MILR1: variants seen among roughly 807,000 people sequenced by gnomAD.
MILR1 encodes mast cell immunoglobulin like receptor 1, also known as allergin-1.
MILR1 carries 31 observed loss-of-function variants against 18.5 expected under a neutral mutation model. The ratio of observed to expected loss-of-function variants is 1.68; its 90% confidence interval spans 1.26 to 2.26. The LOEUF is 2.26. Ranked by LOEUF, MILR1 falls within the 30% of genes most tolerant of loss-of-function variation. The probability of loss-of-function intolerance (pLI) is 0.00; values close to 1 mark genes in which losing one functional copy is unlikely to be tolerated. For synonymous variants in MILR1, 85 were observed against 56.2 expected (o/e 1.51, Z -2.30); for missense variants, 257 against 157.4 (o/e 1.63, Z -3.38).
At chr17:64,477,604 A>G in the MILR1 span, among the ~76,000 whole-genome samples, 2 of 152,208 alleles carry the variant, frequency 1.3e-5, no homozygotes, top group African/African-American at 4.8e-5. Context: ...ATGTAAGAAA[A>G]ACAAACCCCA....
chr17:64,482,988 A>G, the MILR1 span: 1 of 1,596,582 alleles, frequency 6.3e-7, no homozygotes, highest in South Asian at 1.1e-5. Flanking sequence ...AACAAGGGTG[A>G]AGTTTAAGTA....
chr17:64,466,351 G>A, intron 6 of MILR1, 91 bp from the exon 7 acceptor site: 2 of 1,057,926 alleles, frequency 1.9e-6, no homozygotes, highest in Non-Finnish European at 2.9e-6. Context: ...AGCCTACATG[G>A]CCACATTCCA....
chr17:64,491,969 A>T, the MILR1 span, among the ~76,000 whole-genome samples: 2 of 152,062 alleles, frequency 1.3e-5, no homozygotes, highest in African/African-American at 2.4e-5. Context: ...GACAACAAAA[A>T]TAAAATAAAA....
At chr17:64,455,708 C>T (rs1450571819) in intron 3 of MILR1, among the ~76,000 whole-genome samples, 1 of 151,300 alleles carries the variant, frequency 6.6e-6, no homozygotes, top group Non-Finnish European at 1.5e-5. Context: ...GATCTGCCCA[C>T]CTCGGCCTCC....
At chr17:64,453,562 A>G (rs1295962675) in intron 3 of MILR1, among the ~76,000 whole-genome samples, 24 of 121,974 alleles carry the variant, frequency 2.0e-4, no homozygotes, top group African/African-American at 8.5e-4. Flanking sequence ...TTTTTTCTGA[A>G]GCCTTGGGCC....
the MILR1 span, among the ~76,000 whole-genome samples, chr17:64,488,813 C>T: frequency 3.9e-5 from 6 of 151,978 alleles, no homozygotes; most frequent in African/African-American, 1.2e-4. Flanking sequence ...ACTAAAAATA[C>T]AAAAATTAAC....
the MILR1 span, chr17:64,482,939 G>T: frequency 1.4e-5 from 22 of 1,598,050 alleles, no homozygotes; most frequent in Non-Finnish European, 1.9e-5. Flanking sequence ...TCCAATGTGG[G>T]GCCTCTTCCT....
the MILR1 span, among the ~76,000 whole-genome samples, chr17:64,489,282 A>C: frequency 6.6e-5 from 10 of 151,950 alleles, no homozygotes; most frequent in East Asian, 1.7e-3. Flanking sequence ...ATTTAAAAAA[A>C]AAATGGAGGA....
At chr17:64,464,027 T>A (rs995603610) in intron 5 of MILR1, among the ~76,000 whole-genome samples, 2 of 151,808 alleles carry the variant, frequency 1.3e-5, no homozygotes, top group African/African-American at 4.8e-5. Context: ...TTTCACTATG[T>A]TGGCCAGGCT....
At chr17:64,471,259 G>A (rs1555664533), downstream of MILR1, among the ~76,000 whole-genome samples, 1 of 152,120 alleles carries the variant, frequency 6.6e-6, no homozygotes, top group Admixed American at 6.5e-5. Flanking sequence ...ACTGTGGTGG[G>A]CAGCTGGACA....
At chr17:64,491,290 A>C in the MILR1 span, among the ~76,000 whole-genome samples, 1 of 152,120 alleles carries the variant, frequency 6.6e-6, no homozygotes, top group Non-Finnish European at 1.5e-5. Context: ...GCTGAAATTT[A>C]ATTTTTAAAA....
chr17:64,466,712 C>T, intron 8 of MILR1, 50 bp downstream of exon 8: 13 of 1,452,780 alleles, frequency 8.9e-6, no homozygotes, highest in Non-Finnish European at 1.2e-5. Context: ...GACAGGTGGT[C>T]CCTCTGATGT....
chr17:64,489,654 G>C, the MILR1 span, among the ~76,000 whole-genome samples: 1 of 152,044 alleles, frequency 6.6e-6, no homozygotes, highest in African/African-American at 2.4e-5. Flanking sequence ...TAGCTACTTG[G>C]GAGGCTGAGG....
intron 8 of MILR1, 69 bp downstream of exon 8, chr17:64,466,731 T>C (rs1598105110): frequency 1.5e-6 from 2 of 1,308,030 alleles, no homozygotes; most frequent in East Asian, 5.0e-5. Flanking sequence ...GTCATTATAT[T>C]CAGGGGCTTC....
the MILR1 span, among the ~76,000 whole-genome samples, chr17:64,478,679 T>C: frequency 6.6e-6 from 1 of 151,896 alleles, no homozygotes; most frequent in African/African-American, 2.4e-5. Flanking sequence ...GGGCGGATCA[T>C]GAGGTCAGGA....
At chr17:64,485,909 C>CT in the MILR1 span, 2 of 1,609,274 alleles carry the variant, frequency 1.2e-6, no homozygotes, top group Admixed American at 1.7e-5. Flanking sequence ...TTTCACAGAA[C>CT]TTTTTTTGTT....
Position 64,449,146 on chromosome 17 carries a change from C to T in MILR1, c.-23C>T, listed in dbSNP as rs1441824436. 2 of 465,656 alleles carry T rather than the reference C, an allele frequency of 4.3e-6. No individual in the cohort carries two copies. The highest frequency in any genetic ancestry group is 2.0e-5 in the African/African-American group (1 of 50,396). 28.8% of individuals were successfully genotyped at this position (465,656 alleles called of 1,614,324 possible). A position where few individuals can be genotyped will look rare whatever the true frequency, so the allele number is the denominator to read the frequency against. On this transcript the variant is annotated 5_prime_UTR_variant, in exon 1 of 10. Transcript: ENST00000619286. ...GTGGTTCTACTATGCCTTCTGACCC[C>T]GTCTTGGACTTCAACTGGGAGAATG...
At chr17:64,457,788 G>C in intron 4 of MILR1, 104 bp downstream of exon 4, 1 of 460,506 alleles carries the variant, frequency 2.2e-6, no homozygotes, top group Admixed American at 3.2e-5. Context: ...TGACCTTCCA[G>C]GTCCTTCTGA....
At chr17:64,462,872 C>T (rs1186368419) in intron 5 of MILR1, among the ~76,000 whole-genome samples, 1 of 151,958 alleles carries the variant, frequency 6.6e-6, no homozygotes, top group Non-Finnish European at 1.5e-5. Context: ...GTGATCTGCT[C>T]GCCTCAGCCT....
Sources: allele counts gnomAD v4.1 joint callset (sites outside exome capture counted in the v4.1 genomes callset), GRCh38; gene constraint gnomAD v4.1.1; transcripts MANE v1.5; gene names NCBI Gene and HGNC (gene_info 2026-07-23, HGNC 2026-07-21).